Variants in UNC13B observed in about 807,000 individuals in gnomAD.
UNC13B encodes protein unc-13 homolog B.
A neutral mutation model predicts 211.0 loss-of-function variants in UNC13B; 144 were observed. That is an observed-to-expected ratio of 0.68 (90% CI 0.60 to 0.78). The LOEUF is 0.78. Among genes scored for constraint, UNC13B ranks in the 30% least tolerant of loss-of-function variants. The probability of loss-of-function intolerance (pLI) is 0.00; values close to 1 mark genes in which losing one functional copy is unlikely to be tolerated. For synonymous variants in UNC13B, 709 were observed against 725.8 expected (o/e 0.98, Z 0.37); for missense variants, 1,777 against 2,002.0 (o/e 0.89, Z 2.14).
intron 37 of UNC13B, among the ~76,000 whole-genome samples, chr9:35,402,282 CTTT>C (rs1168729927): frequency 2.2e-5 from 3 of 136,860 alleles, no homozygotes; most frequent in Non-Finnish European, 1.6e-5. Flanking sequence ...TTCTTTTTTT[CTTT>C]TTTTTTTTTT....
chr9:35,358,552 A>G (rs1204004818), intron 11 of UNC13B, among the ~76,000 whole-genome samples: 1 of 152,030 alleles, frequency 6.6e-6, no homozygotes, highest in Admixed American at 6.6e-5. Context: ...GTGAAGTGCA[A>G]TTTATCCATT....
chr9:35,193,800 G>A (rs1443146727), intron 1 of UNC13B, among the ~76,000 whole-genome samples: 2 of 152,134 alleles, frequency 1.3e-5, no homozygotes, highest in African/African-American at 4.8e-5. Flanking sequence ...TACAGAAGCA[G>A]CATGAAGCCT....
intron 9 of UNC13B, among the ~76,000 whole-genome samples, chr9:35,309,328 T>C (rs1408380141): frequency 6.6e-6 from 1 of 152,026 alleles, no homozygotes; most frequent in Non-Finnish European, 1.5e-5. Context: ...CTGGTACCTA[T>C]TCTGCTGGCA....
intron 1 of UNC13B, among the ~76,000 whole-genome samples, chr9:35,187,745 C>A (rs1360441598): frequency 6.6e-6 from 1 of 152,082 alleles, no homozygotes; most frequent in Non-Finnish European, 1.5e-5. Context: ...TTGGGTGATC[C>A]CCTCCTCTTA....
At chr9:35,370,475 GGA>G in intron 13 of UNC13B, 79 bp downstream of exon 13, 1 of 1,375,828 alleles carries the variant, frequency 7.3e-7, no homozygotes, top group Non-Finnish European at 1.0e-6. Flanking sequence ...TGTCAGGATT[GGA>G]AGTCGTCCAT....
rs542989575 is a variant in UNC13B, at chr9:35,352,094, G to A, written c.9415-14853G>A. ...AGACTCAGTACTGAGTGAAATAGAAGGCTTACAGGTGAGCACCTGTTCCCT... is the reference window on the plus strand; with the variant it reads ...AGACTCAGTACTGAGTGAAATAGAAAGCTTACAGGTGAGCACCTGTTCCCT... On this transcript the variant is annotated intron_variant, in intron 11 of 39. Transcript: ENST00000635942. 1.3e-5 allele frequency: 16 copies of A among 1,232,046 alleles called. No individual in the cohort carries two copies. The East Asian group carries it at 3.8e-4, about 29-fold the overall frequency. The allele number at this position is 1,232,046 out of a possible 1,614,324, so 76.3% of individuals were successfully genotyped here. A position where few individuals can be genotyped will look rare whatever the true frequency, so the allele number is the denominator to read the frequency against.
intron 1 of UNC13B, among the ~76,000 whole-genome samples, chr9:35,206,411 A>G (rs1278887578): frequency 6.6e-6 from 1 of 152,000 alleles, no homozygotes; most frequent in Non-Finnish European, 1.5e-5. Context: ...GTAACCACTA[A>G]TCTGTCTTCT....
rs149304280 is a variant in UNC13B at position 35,330,566 on chromosome 9, A to G, written c.9414+16577A>G. 2.4e-4 allele frequency among the ~76,000 whole-genome samples: 37 copies of G among 152,322 alleles called. No homozygotes were observed. The East Asian group carries it at 5.8e-3, about 24-fold the overall frequency. ...TAGTGCTTCTCTGGGACCACCAAAG[A>G]AGAGGAAGAAGTCAACGGAAGCCAA... On this transcript the variant is annotated intron_variant, in intron 11 of 39. Coordinates refer to ENST00000635942, the MANE Select transcript of UNC13B (RefSeq NM_001371189.2).
intron 1 of UNC13B, among the ~76,000 whole-genome samples, chr9:35,182,799 A>G (rs1046502273): frequency 3.3e-5 from 5 of 152,250 alleles, no homozygotes; most frequent in African/African-American, 1.2e-4. Context: ...GTAAGGTTAT[A>G]GATTAACAGC....
In UNC13B at chr9:35,308,380, G is replaced by A. The variant is rs1004630407; in HGVS notation, c.8976G>A (p.Leu2992=). Residue 2992 remains leucine (L), a synonymous_variant, in exon 9 of 40, where the codon CTG becomes CTA. Transcript: ENST00000635942. ...SDLNVQQPVT[L]NDIKEPMTNK... ...TGAATGTACAGCAGCCAGTCACTCT[G>A]AATGACATCAAGGAGCCCATGACCA... 1 of 398,904 alleles carries A rather than the reference G, an allele frequency of 2.5e-6. No individual in the cohort carries two copies. Among genetic ancestry groups the A allele is most frequent in the African/African-American group, 2.1e-5 (1 of 48,626 alleles). The allele number at this position is 398,904 out of a possible 1,614,324, so 24.7% of individuals were successfully genotyped here.
At chr9:35,254,426 A>T (rs766027474) in intron 6 of UNC13B, among the ~76,000 whole-genome samples, 2 of 152,086 alleles carry the variant, frequency 1.3e-5, no homozygotes, top group Admixed American at 1.3e-4. Context: ...CTCTTTTGTA[A>T]GGGTGCTTAT....
chr9:35,257,333 A>ATAAATATTTATAAAAATATTTT lies in UNC13B; in HGVS notation c.469-1658_469-1657insAATATTTATAAAAATATTTTTA, dbSNP rs1564097698. Reference sequence around the variant, plus strand: ...AATATAAATATTTATAAAAATATTTATATAAATATTTATAAAAATATTTAT... The same window carrying ATAAATATTTATAAAAATATTTT: ...AATATAAATATTTATAAAAATATTTATAAATATTTATAAAAATATTTTTATAAATATTTATAAAAATATTTAT... On this transcript the variant is annotated intron_variant, in intron 6 of 39. Transcript: ENST00000635942. Among the ~76,000 whole-genome samples the ATAAATATTTATAAAAATATTTT allele has an allele frequency of 1.1e-4, 12 of 110,586 alleles. No homozygotes were observed. The East Asian group carries it at 2.0e-3, about 19-fold the overall frequency. 72.5% of individuals were successfully genotyped at this position (110,586 alleles called of 152,430 possible).
intron 1 of UNC13B, among the ~76,000 whole-genome samples, chr9:35,189,961 A>G (rs1205508280): frequency 6.6e-6 from 1 of 152,166 alleles, no homozygotes; most frequent in Non-Finnish European, 1.5e-5. Flanking sequence ...GTGAGCCACC[A>G]TGCCCGACCT....
intron 1 of UNC13B, among the ~76,000 whole-genome samples, chr9:35,195,262 G>C (rs4111905): frequency 0.065 from 9,962 of 152,184 alleles, 508 homozygotes; most frequent in East Asian, 0.3. Flanking sequence ...ATGATTTGGG[G>C]CTGCTTCTTA....
intron 7 of UNC13B, among the ~76,000 whole-genome samples, chr9:35,261,478 A>G (rs931024715): frequency 1.3e-5 from 2 of 151,984 alleles, no homozygotes; most frequent in African/African-American, 4.8e-5. Context: ...AATTTTATTT[A>G]TTTTTTAATT....
chr9:35,398,674 G>C, intron 32 of UNC13B, 32 bp downstream of exon 32: 1 of 1,610,634 alleles, frequency 6.2e-7, no homozygotes, highest in Non-Finnish European at 8.5e-7. Flanking sequence ...GGCCCTCAGA[G>C]CCAGATGTGG....
At chr9:35,314,462 A>T (rs1454567395) in intron 11 of UNC13B, among the ~76,000 whole-genome samples, 2 of 152,188 alleles carry the variant, frequency 1.3e-5, no homozygotes, top group South Asian at 4.1e-4. Context: ...AAAAACAAAG[A>T]TAAATATTTT....
At chr9:35,381,338 C>T in intron 19 of UNC13B, 123 bp downstream of exon 19, 1 of 1,011,040 alleles carries the variant, frequency 9.9e-7, no homozygotes, top group Non-Finnish European at 1.4e-6. Context: ...TTGATTCACT[C>T]TGTTACCCTG....
chr9:35,338,093 C>T (rs1310666147), intron 11 of UNC13B, among the ~76,000 whole-genome samples: 1 of 152,160 alleles, frequency 6.6e-6, no homozygotes, highest in Non-Finnish European at 1.5e-5. Flanking sequence ...AATCTGGGAG[C>T]TGTGACTTTT....
Sources: allele counts gnomAD v4.1 joint callset (sites outside exome capture counted in the v4.1 genomes callset), GRCh38; gene constraint gnomAD v4.1.1; transcripts MANE v1.5; gene names NCBI Gene and HGNC (gene_info 2026-07-23, HGNC 2026-07-21).